Variants in CFAP221 observed in about 807,000 individuals in gnomAD.
CFAP221 encodes the protein cilia and flagella associated protein 221.
Under a neutral mutation model 113.1 loss-of-function variants are expected in CFAP221, and 97 were observed. The observed-to-expected ratio is 0.86, with a 90% confidence interval of 0.73 to 1.02. The LOEUF (loss-of-function observed/expected upper bound fraction) is 1.02. CFAP221 is among the 50% of genes least tolerant of loss of function. The pLI, the probability that CFAP221 is intolerant of heterozygous loss-of-function variation, is 0.00. For synonymous variants in CFAP221, 331 were observed against 354.4 expected (o/e 0.93, Z 0.74); for missense variants, 1,025 against 1,013.4 (o/e 1.01, Z -0.16).
chr2:119,606,667 G>A (rs553785215), intron 11 of CFAP221, among the ~76,000 whole-genome samples: 2 of 152,228 alleles, frequency 1.3e-5, no homozygotes, highest in South Asian at 4.2e-4. Flanking sequence ...TCACGGTGAT[G>A]CCCCCAGTCA....
intron 6 of CFAP221, among the ~76,000 whole-genome samples, chr2:119,573,681 G>A (rs993701474): frequency 3.3e-5 from 5 of 152,178 alleles, no homozygotes; most frequent in Admixed American, 6.5e-5. Context: ...GCAACAGAGC[G>A]AGACCTCATC....
chr2:119,644,854 C>T (rs1309903621), intron 21 of CFAP221, among the ~76,000 whole-genome samples: 1 of 152,090 alleles, frequency 6.6e-6, no homozygotes, highest in African/African-American at 2.4e-5. Context: ...TTTGTATCTC[C>T]CTTCTTCCAC....
intron 3 of CFAP221, 56 bp downstream of exon 3, chr2:119,549,241 C>T (rs1680260377): frequency 7.6e-7 from 1 of 1,324,076 alleles, no homozygotes; most frequent in African/African-American, 1.5e-5. Context: ...CAAAAATGTT[C>T]TGAATTTATA....
chr2:119,566,488 C>T lies in CFAP221; in HGVS notation c.527+4374C>T, dbSNP rs148686676. Among the ~76,000 whole-genome samples, 445 of 152,320 alleles carry T rather than the reference C, an allele frequency of 2.9e-3. 1 individual carries two copies. Among genetic ancestry groups the T allele is most frequent in the African/African-American group, 7.0e-3 (292 of 41,572 alleles). On this transcript the variant is annotated intron_variant, in intron 6 of 23. Coordinates refer to ENST00000413369, the MANE Select transcript of CFAP221 (RefSeq NM_001271049.2). ...CACAGCACTTTGTTTCCTGTGAGAG[C>T]CATCGAGCTATCCTACTCTGTGCTG...
chr2:119,572,592 G>C (rs1682143831), intron 6 of CFAP221: 1 of 700,120 alleles, frequency 1.4e-6, no homozygotes, highest in South Asian at 1.5e-5. Context: ...CTTGGAGCAG[G>C]TCCAGTTGGT....
At chr2:119,574,991 G>T (rs547936479) in intron 6 of CFAP221, among the ~76,000 whole-genome samples, 1 of 152,104 alleles carries the variant, frequency 6.6e-6, no homozygotes, top group Non-Finnish European at 1.5e-5. Flanking sequence ...ATTATTGCTG[G>T]TGGGTAAGGT....
chr2:119,597,259 C>A (rs550213517), intron 7 of CFAP221, among the ~76,000 whole-genome samples: 60 of 152,242 alleles, frequency 3.9e-4, no homozygotes, highest in African/African-American at 1.4e-3. Flanking sequence ...AGCGGAGTTA[C>A]ACAATTCATG....
At chr2:119,625,777 A>G (rs1226892924) in intron 15 of CFAP221, 89 bp downstream of exon 15, 2 of 1,120,754 alleles carry the variant, frequency 1.8e-6, no homozygotes, top group African/African-American at 1.6e-5. Context: ...GCTCTATGCA[A>G]ATAAAAAATT....
chr2:119,630,695 T>C lies in CFAP221; in HGVS notation c.1839+18T>C, dbSNP rs199667911. The C allele has an allele frequency of 6.2e-7, 1 of 1,606,212 alleles. No individual in the cohort carries two copies. Among genetic ancestry groups the C allele is most frequent in the East Asian group, 2.2e-5 (1 of 44,856 alleles). ...GAGCTGAGGTAACACACCCCCATCT[T>C]CCAGAATCTCTCTCATCTTTTCCCT... On this transcript the variant is annotated intron_variant, in intron 18 of 23. Transcript: ENST00000413369.
intron 14 of CFAP221, among the ~76,000 whole-genome samples, chr2:119,619,835 A>G (rs1478221737): frequency 1.3e-5 from 2 of 152,190 alleles, no homozygotes; most frequent in Non-Finnish European, 2.9e-5. Context: ...GAAAGCTAAG[A>G]ACCTTGAAAA....
At chr2:119,562,184 G>A in intron 6 of CFAP221, 70 bp downstream of exon 6, 1 of 1,011,340 alleles carries the variant, frequency 9.9e-7, no homozygotes, top group Non-Finnish European at 1.4e-6. Context: ...CAAAACCTTA[G>A]ACTTTTGTTT....
intron 19 of CFAP221, among the ~76,000 whole-genome samples, chr2:119,633,658 A>G (rs1686930689): frequency 6.6e-6 from 1 of 151,944 alleles, no homozygotes; most frequent in African/African-American, 2.4e-5. Flanking sequence ...CTCAGTTTAA[A>G]AAGTGGGTTA....
Position 119,630,644 on chromosome 2 carries a change from A to G in CFAP221, c.1806A>G (p.Gln602=). 6.2e-7 allele frequency: 1 copy of G among 1,613,990 alleles called. No homozygotes were observed. The highest frequency in any genetic ancestry group is 1.1e-5 in the South Asian group (1 of 91,064). The change falls in exon 18 of 24, where the codon CAA becomes CAG. Residue 602 remains glutamine (Q), a synonymous_variant. Transcript: ENST00000413369. ...VHKSSTSYRP[Q]KLARALKQGA... Reference sequence around the variant, plus strand: ...AGTCTTCAACAAGTTACAGACCTCAAAAGCTTGCCCGAGCCCTAAAGCAAG... The same window carrying G: ...AGTCTTCAACAAGTTACAGACCTCAGAAGCTTGCCCGAGCCCTAAAGCAAG...
At chr2:119,641,844 C>G (rs1017208076) in intron 21 of CFAP221, among the ~76,000 whole-genome samples, 1 of 152,108 alleles carries the variant, frequency 6.6e-6, no homozygotes, top group African/African-American at 2.4e-5. Context: ...GTCAGTAAAC[C>G]GGGTCTGGGG....
intron 12 of CFAP221, among the ~76,000 whole-genome samples, chr2:119,611,116 C>T (rs1308800698): frequency 6.6e-6 from 1 of 152,176 alleles, no homozygotes; most frequent in African/African-American, 2.4e-5. Flanking sequence ...GGAATCCCCA[C>T]ATGCCTTCCT....
At chr2:119,575,449 A>G (rs1682378993) in intron 6 of CFAP221, among the ~76,000 whole-genome samples, 1 of 152,176 alleles carries the variant, frequency 6.6e-6, no homozygotes, top group South Asian at 2.1e-4. Context: ...TGTTAATTAT[A>G]TTAATACTTT....
In CFAP221 at chr2:119,625,678, G is replaced by A. The variant is rs371319201; in HGVS notation, c.1506G>A (p.Ser502=). 89 of 1,606,268 alleles carry A rather than the reference G, an allele frequency of 5.5e-5. No individual in the cohort carries two copies. Among genetic ancestry groups the A allele is most frequent in the Non-Finnish European group, 7.2e-5 (84 of 1,172,958 alleles). ...ILRKIGQAKQ[S]IAQEANFFKF... ...GAAAGATTGGCCAAGCAAAACAATC[G>A]ATAGCACAAGGTGAAGTATGGCTGC... The change falls in exon 15 of 24, where the codon TCG becomes TCA. Residue 502 remains serine (S), a synonymous_variant. Transcript: ENST00000413369.
Position 119,549,787 on chromosome 2 carries a change from A to G in CFAP221, c.240+602A>G, listed in dbSNP as rs191916639. 1.4e-4 allele frequency among the ~76,000 whole-genome samples: 21 copies of G among 152,332 alleles called. No homozygotes were observed. In the East Asian group the frequency reaches 3.7e-3, roughly 27 times the overall value. ...GTCTAGGTCCAGGGAGGCAGGGGTC[A>G]GCCCCACTGAAGAACAGGCTCCTGA... On this transcript the variant is annotated intron_variant, in intron 3 of 23. Coordinates refer to ENST00000413369, the MANE Select transcript of CFAP221 (RefSeq NM_001271049.2).
intron 20 of CFAP221, among the ~76,000 whole-genome samples, chr2:119,638,730 G>A (rs977872847): frequency 6.6e-5 from 10 of 152,242 alleles, no homozygotes; most frequent in South Asian, 2.1e-4. Flanking sequence ...ATGCACAACC[G>A]TTGGTCTGAC....
Sources: allele counts gnomAD v4.1 joint callset (sites outside exome capture counted in the v4.1 genomes callset), GRCh38; gene constraint gnomAD v4.1.1; transcripts MANE v1.5; gene names NCBI Gene and HGNC (gene_info 2026-07-23, HGNC 2026-07-21).